Variants in NOTCH3 observed in about 807,000 individuals in gnomAD.
NOTCH3 encodes the protein notch receptor 3, also known as neurogenic locus notch homolog protein 3.
Under a neutral mutation model 213.3 loss-of-function variants are expected in NOTCH3, and 86 were observed. The ratio of observed to expected loss-of-function variants is 0.40; its 90% CI spans 0.34 to 0.48. NOTCH3 has a LOEUF of 0.48. Ranked by LOEUF, NOTCH3 falls within the 20% of genes least tolerant of loss-of-function variation. NOTCH3 has a pLI of 0.57. For synonymous variants in NOTCH3, 1,354 were observed against 1,355.9 expected, an observed-to-expected ratio of 1.00 and a Z score of 0.03; for missense variants, 2,783 against 3,272.6, an observed-to-expected ratio of 0.85 and a Z score of 3.65.
At chr19:15,199,466 T>C (rs1219428412) in intron 1 of NOTCH3, among the ~76,000 whole-genome samples, 3 of 152,114 alleles carry the variant, frequency 2.0e-5, no homozygotes, top group Admixed American at 2.0e-4. Context: ...GGTGTAAGCA[T>C]GTCCTTGAGT....
Position 15,179,437 on chromosome 19 carries a change from C to T in NOTCH3, c.3387G>A (p.Gln1129=), listed in dbSNP as rs1392930286. Residue 1129 remains glutamine, a synonymous_variant, in exon 21 of 33, where the codon CAG becomes CAA. Coordinates refer to ENST00000263388, the MANE Select transcript of NOTCH3 (RefSeq NM_000435.3). ...TGCATGAACCCCCGTGCTGGCAGGGCTGGGAGGCACACTCGTCCACGTCGT... is the reference window on the plus strand; with the variant it reads ...TGCATGAACCCCCGTGCTGGCAGGGTTGGGAGGCACACTCGTCCACGTCGT... The part of the protein sequence containing the change: ...CEDDVDECAS[Q]PCQHGGSCID... The T allele has an allele frequency of 6.2e-7, 1 of 1,614,168 alleles. No homozygotes were observed. Among genetic ancestry groups the T allele is most frequent in the Admixed American group, 1.7e-5 (1 of 60,030 alleles).
Position 15,191,799 on chromosome 19 carries a change from T to TC in NOTCH3, c.747dup (p.Thr250AspfsTer10), listed in dbSNP as rs1412990396. Reference sequence around the variant, plus strand: ...TAGGTGTTGACGCCATCCACGCATGTCCCCCCATTGAGACATCGGTGTCCT... The same window carrying TC: ...TAGGTGTTGACGCCATCCACGCATGTCCCCCCCATTGAGACATCGGTGTCCT... On this transcript the variant is annotated frameshift_variant, in exon 5 of 33. Transcript: ENST00000263388. LOFTEE classifies it high-confidence loss of function. The TC allele has an allele frequency of 1.2e-6, 2 of 1,613,836 alleles. No homozygotes were observed. Among genetic ancestry groups the TC allele is most frequent in the Non-Finnish European group, 8.5e-7 (1 of 1,180,008 alleles).
intron 1 of NOTCH3, among the ~76,000 whole-genome samples, chr19:15,198,352 T>C (rs1344194950): frequency 2.0e-5 from 3 of 152,100 alleles, no homozygotes; most frequent in Non-Finnish European, 4.4e-5. Flanking sequence ...CATGCTCTTG[T>C]CAGAGAGAGG....
intron 1 of NOTCH3, among the ~76,000 whole-genome samples, chr19:15,200,076 G>GGA (rs2046999979): frequency 6.6e-6 from 1 of 151,646 alleles, no homozygotes; most frequent in South Asian, 2.1e-4. Context: ...GGCCGGCTGG[G>GGA]GAGGGGCTCT....
rs776858941 is a variant in NOTCH3 at position 15,161,304 on chromosome 19, C to T, written c.6324G>A (p.Pro2108=). 124 of 1,532,344 alleles carry T rather than the reference C, an allele frequency of 8.1e-5. No homozygotes were observed. The highest frequency in any genetic ancestry group is 9.2e-5 in the Non-Finnish European group (105 of 1,142,116). The allele number at this position is 1,532,344 out of a possible 1,614,324, so 94.9% of individuals were successfully genotyped here. ...AAGCAGGGGGCCCACCGAAAGGCCGCGGGGAGTCCAGCGAGTCCACGGGCG... is the reference window on the plus strand; with the variant it reads ...AAGCAGGGGGCCCACCGAAAGGCCGTGGGGAGTCCAGCGAGTCCACGGGCG... ...TLSPVDSLDS[P]RPFGGPPASP... Residue 2108 remains proline, a synonymous_variant, in exon 33 of 33, where the codon CCG becomes CCA. Transcript: ENST00000263388.
rs1037739385 is a variant in NOTCH3 at position 15,177,933 on chromosome 19, G to C, written c.3995C>G (p.Pro1332Arg). 4 of 1,292,108 alleles carry C rather than the reference G, an allele frequency of 3.1e-6. No individual in the cohort carries two copies. The highest frequency in any genetic ancestry group is 3.9e-6 in the Non-Finnish European group (4 of 1,023,278). 80.0% of individuals were successfully genotyped at this position (1,292,108 alleles called of 1,614,324 possible). A position where few individuals can be genotyped will look rare whatever the true frequency, so the allele number is the denominator to read the frequency against. The change falls in exon 24 of 33, where the codon CCG becomes CGG. Residue 1332 changes from proline (P) to arginine (R), a missense_variant. Pro to Arg is a moderately radical substitution (Grantham distance 103). This residue lies in a region of NOTCH3 where 133 missense variants were observed against 201.9 expected (regional missense o/e 0.66). Coordinates refer to ENST00000263388, the MANE Select transcript of NOTCH3 (RefSeq NM_000435.3). ...CGCGCAGCTGGCGTTGCTGGCCCCC[G>C]GCGGCGACCCCGGGAAGCTGCGGCA... ...PSCRSFPGSPPGASNASCAAA... is the reference protein window; with the variant it reads ...PSCRSFPGSPRGASNASCAAA...
In NOTCH3 at chr19:15,177,890, G is replaced by A. The variant is rs1555727404; in HGVS notation, c.4038C>T (p.His1346=). The change falls in exon 24 of 33, where the codon CAC becomes CAT. Residue 1346 remains histidine (H), a synonymous_variant. Transcript: ENST00000263388. Reference sequence around the variant, plus strand: ...GCGGCGCGGGGCGGCAGGAGCCCCCGTGGAGACAGGGGGCGGCCGCGCAGC... The same window carrying A: ...GCGGCGCGGGGCGGCAGGAGCCCCCATGGAGACAGGGGGCGGCCGCGCAGC... ...NASCAAAPCL[H]GGSCRPAPLA... is the part of the protein sequence containing the mutation. 2 of 1,254,870 alleles carry A rather than the reference G, an allele frequency of 1.6e-6. No individual in the cohort carries two copies. The highest frequency in any genetic ancestry group is 2.0e-6 in the Non-Finnish European group (2 of 1,002,698). 77.7% of individuals were successfully genotyped at this position (1,254,870 alleles called of 1,614,324 possible). A position where few individuals can be genotyped will look rare whatever the true frequency, so the allele number is the denominator to read the frequency against.
In NOTCH3 at chr19:15,165,269, G is replaced by A. The variant is rs28648806; in HGVS notation, c.5815+99C>T. The A allele has an allele frequency of 7.9e-7, 1 of 1,273,046 alleles. No individual in the cohort carries two copies. Among genetic ancestry groups the A allele is most frequent in the East Asian group, 2.3e-5 (1 of 43,406 alleles). The allele number at this position is 1,273,046 out of a possible 1,614,324, so 78.9% of individuals were successfully genotyped here. ...CCTGGTTATGTGTGCGTGAGCTTCA[G>A]TGATTGGGTCTCAACATGGGTATGA... is the stretch of plus-strand genomic sequence containing the variant. On this transcript the variant is annotated intron_variant, in intron 31 of 32. Transcript: ENST00000263388. This position sits in a 1 kb window ranked among gnomAD's most constrained non-coding sequence, Gnocchi z 4.7.
chr19:15,173,248 C>T (rs1007831794), intron 25 of NOTCH3, among the ~76,000 whole-genome samples: 8 of 148,924 alleles, frequency 5.4e-5, no homozygotes, highest in Admixed American at 2.0e-4. Context: ...ACTGAAACCC[C>T]GTCTCTTACT....
chr19:15,169,182 A>ATCTGTCTCTC (rs2046709219), intron 28 of NOTCH3, among the ~76,000 whole-genome samples: 1 of 125,422 alleles, frequency 8.0e-6, no homozygotes, highest in African/African-American at 3.1e-5. Context: ...GGGATGTCAA[A>ATCTGTCTCTC]TCTGTCTCTC....
intron 23 of NOTCH3, 30 bp from the exon 24 acceptor site, chr19:15,178,120 A>T: frequency 1.4e-6 from 2 of 1,431,292 alleles, no homozygotes; most frequent in Non-Finnish European, 1.9e-6. Context: ...AGGGAGGGAT[A>T]AAAATGAGGG....
At chr19:15,199,900 G>C (rs936212725) in intron 1 of NOTCH3, among the ~76,000 whole-genome samples, 2 of 152,028 alleles carry the variant, frequency 1.3e-5, no homozygotes, top group Non-Finnish European at 2.9e-5. Flanking sequence ...CTCCCGTAGC[G>C]GTGAGGGGGG....
At chr19:15,171,117 C>T (rs549990346) in intron 25 of NOTCH3, among the ~76,000 whole-genome samples, 1 of 152,326 alleles carries the variant, frequency 6.6e-6, no homozygotes, top group South Asian at 2.1e-4. Context: ...ACTTCCCCTC[C>T]TGGGTTCAAG....
intron 1 of NOTCH3, 36 bp from the exon 2 acceptor site, chr19:15,197,614 G>A: frequency 3.1e-6 from 5 of 1,598,996 alleles, no homozygotes; most frequent in South Asian, 2.2e-5. Context: ...GGATCAGCCA[G>A]GTGCCCAGGA....
chr19:15,186,530 G>A (rs908386068), intron 12 of NOTCH3, among the ~76,000 whole-genome samples: 4 of 151,682 alleles, frequency 2.6e-5, no homozygotes, highest in East Asian at 1.9e-4. Flanking sequence ...TCAGCCTCCC[G>A]AGTAGCTAGG....
intron 24 of NOTCH3, among the ~76,000 whole-genome samples, chr19:15,175,181 C>G (rs1472675976): frequency 6.6e-6 from 1 of 152,120 alleles, no homozygotes; most frequent in Non-Finnish European, 1.5e-5. Flanking sequence ...TGGGTGAAGA[C>G]AGATAGTAAG....
chr19:15,197,600 T>C, intron 1 of NOTCH3, 22 bp from the exon 2 acceptor site: 1 of 1,608,612 alleles, frequency 6.2e-7, no homozygotes, highest in South Asian at 1.1e-5. Context: ...TGAAGGAAGG[T>C]GGAGGATCAG....
chr19:15,168,693 G>A (rs956184436), intron 28 of NOTCH3, among the ~76,000 whole-genome samples: 8 of 152,024 alleles, frequency 5.3e-5, no homozygotes, highest in African/African-American at 1.9e-4. Flanking sequence ...AATTAGCCGG[G>A]CATGGTAGCA....
In NOTCH3 at chr19:15,160,760, G is replaced by T; in HGVS notation, c.6868C>A (p.Gln2290Lys). The part of the protein sequence containing the change: ...MATTTGALPA[Q>K]PLPLSVPSSL... The stretch of plus-strand genomic sequence containing the variant: ...CTGGGAACAGACAAGGGAAGTGGCT[G>T]GGCAGGCAGTGCCCCAGTGGTGGTG... The change falls in exon 33 of 33, where the codon CAG (glutamine) becomes AAG (lysine). Residue 2290 changes from glutamine (Q) to lysine (K), a missense_variant. By Grantham distance (53) the Gln-to-Lys change is moderately conservative. Around this residue, in one of 6 missense-constraint regions of NOTCH3, gnomAD observed 441 missense variants for 432.1 expected, o/e 1.02. Coordinates refer to ENST00000263388, the MANE Select transcript of NOTCH3 (RefSeq NM_000435.3). 1 of 1,614,176 alleles carries T rather than the reference G, an allele frequency of 6.2e-7. No individual in the cohort carries two copies.
Sources: allele counts gnomAD v4.1 joint callset (sites outside exome capture counted in the v4.1 genomes callset), GRCh38; gene constraint gnomAD v4.1.1; regional missense constraint gnomAD v4.1.1; non-coding constraint Gnocchi (gnomAD v3.1); transcripts MANE v1.5; gene names NCBI Gene and HGNC (gene_info 2026-07-23, HGNC 2026-07-21).